Variants in SPEF2 observed in about 807,000 individuals in gnomAD.
SPEF2 encodes sperm flagella and cilia-associated protein 2.
A neutral mutation model predicts 224.6 loss-of-function variants in SPEF2; 187 were observed. That is an observed-to-expected ratio of 0.83 (90% CI 0.74 to 0.94). The LOEUF (loss-of-function observed/expected upper bound fraction) is 0.94, where lower values mean the gene tolerates loss of function less well. SPEF2 is among the 40% of genes least tolerant of loss of function. The probability of loss-of-function intolerance (pLI) is 0.00; values close to 1 mark genes in which losing one functional copy is unlikely to be tolerated. For synonymous variants in SPEF2, 715 were observed against 707.3 expected, an observed-to-expected ratio of 1.01 and a Z score of -0.17; for missense variants, 2,170 against 2,135.6, an observed-to-expected ratio of 1.02 and a Z score of -0.32.
intron 3 of SPEF2, 150 bp downstream of exon 3, chr5:35,641,833 A>C: frequency 3.9e-6 from 3 of 770,368 alleles, no homozygotes; most frequent in Non-Finnish European, 5.9e-6. Context: ...ATTTTATATT[A>C]ATAATTTGAA....
intron 35 of SPEF2, 87 bp downstream of exon 35, chr5:35,807,039 T>G (rs1352807706): frequency 6.4e-7 from 1 of 1,559,920 alleles, no homozygotes; most frequent in Non-Finnish European, 8.6e-7. Flanking sequence ...TAGTATGAAA[T>G]TATACAGAAT....
chr5:35,636,347 C>T (rs1415541903), intron 2 of SPEF2, among the ~76,000 whole-genome samples: 1 of 152,102 alleles, frequency 6.6e-6, no homozygotes, highest in Non-Finnish European at 1.5e-5. Flanking sequence ...CCTTTACTTC[C>T]TGCTTGTGCA....
chr5:35,671,037 G>T, intron 10 of SPEF2: 1 of 985,366 alleles, frequency 1.0e-6, no homozygotes, highest in Non-Finnish European at 1.2e-6. Flanking sequence ...CTTTTGGATA[G>T]AAATTTTGAG....
At chr5:35,635,089 A>G (rs1003214682) in intron 2 of SPEF2, among the ~76,000 whole-genome samples, 6 of 151,810 alleles carry the variant, frequency 4.0e-5, no homozygotes, top group Admixed American at 2.6e-4. Context: ...GAGTGGATGT[A>G]TGTGTTTTGA....
At chr5:35,687,250 T>C (rs997554184) in intron 10 of SPEF2, among the ~76,000 whole-genome samples, 1 of 152,176 alleles carries the variant, frequency 6.6e-6, no homozygotes, top group African/African-American at 2.4e-5. Flanking sequence ...AATATAAACC[T>C]TATTACATAC....
chr5:35,639,126 A>G (rs1022853744), intron 2 of SPEF2, among the ~76,000 whole-genome samples: 1 of 152,194 alleles, frequency 6.6e-6, no homozygotes, highest in Non-Finnish European at 1.5e-5. Flanking sequence ...AGGCTTAACA[A>G]TCTGAACAGA....
At chr5:35,629,449 G>T (rs926684926) in intron 2 of SPEF2, among the ~76,000 whole-genome samples, 9 of 151,870 alleles carry the variant, frequency 5.9e-5, no homozygotes, top group Non-Finnish European at 7.4e-5. Context: ...GAGCCACCGC[G>T]CCCGGCCTGT....
chr5:35,811,180 C>T (rs4869672), intron 36 of SPEF2, among the ~76,000 whole-genome samples: 57,461 of 151,744 alleles, frequency 0.38, 11,418 homozygotes, highest in African/African-American at 0.48. Context: ...CCACTGCACT[C>T]GTCCTGTCAT....
chr5:35,802,524 G>C (rs1338240546), intron 34 of SPEF2, among the ~76,000 whole-genome samples: 5 of 148,144 alleles, frequency 3.4e-5, no homozygotes, highest in African/African-American at 1.2e-4. Context: ...AAATTCTATG[G>C]AAAAAAAAAA....
At chr5:35,804,110 G>T (rs538798125) in intron 34 of SPEF2, among the ~76,000 whole-genome samples, 19 of 152,336 alleles carry the variant, frequency 1.2e-4, no homozygotes, top group African/African-American at 4.6e-4. Flanking sequence ...CCCTGGGGTA[G>T]AAACACATAC....
At chr5:35,728,051 C>A (rs1217177954) in intron 21 of SPEF2, among the ~76,000 whole-genome samples, 1 of 152,004 alleles carries the variant, frequency 6.6e-6, no homozygotes, top group Non-Finnish European at 1.5e-5. Flanking sequence ...ATGGGGGGAA[C>A]AAATGGGTTC....
intron 16 of SPEF2, among the ~76,000 whole-genome samples, chr5:35,703,000 T>C (rs552076614): frequency 5.3e-5 from 8 of 151,018 alleles, no homozygotes; most frequent in African/African-American, 1.9e-4. Context: ...GAGGTGTGAG[T>C]GGGAGAGACA....
At chr5:35,809,840 A>T (rs1485969912) in intron 36 of SPEF2, among the ~76,000 whole-genome samples, 2 of 152,150 alleles carry the variant, frequency 1.3e-5, no homozygotes. Flanking sequence ...TCTAGACTGC[A>T]TTTTAGCTTA....
chr5:35,669,166 A>G (rs1750902938), intron 9 of SPEF2, among the ~76,000 whole-genome samples: 1 of 152,002 alleles, frequency 6.6e-6, no homozygotes. Flanking sequence ...GGAATAATAT[A>G]TTTGTCCTTT....
chr5:35,658,904 C>G, intron 7 of SPEF2, 115 bp from the exon 8 acceptor site: 1 of 762,056 alleles, frequency 1.3e-6, no homozygotes, highest in Non-Finnish European at 1.9e-6. Flanking sequence ...AGTCAAATGA[C>G]AGAAACTGAT....
chr5:35,745,147 G>A lies in SPEF2; in HGVS notation c.3330+4880G>A, dbSNP rs377640328. Among the ~76,000 whole-genome samples the A allele has an allele frequency of 2.6e-5, 4 of 152,322 alleles. No homozygotes were observed. In the East Asian group the frequency reaches 5.8e-4, roughly 22 times the overall value. ...AGCTGAGCGAAATACAGGGGTAGAG[G>A]AAGTAGCAGAAAGGCACTGGGAGCT... On this transcript the variant is annotated intron_variant, in intron 23 of 36. Transcript: ENST00000356031.
chr5:35,788,044 T>C (rs975403170), intron 30 of SPEF2: 13 of 702,836 alleles, frequency 1.8e-5, no homozygotes, highest in Non-Finnish European at 3.1e-5. Flanking sequence ...GTCGTAAGCA[T>C]GGAGTGAAGT....
At chr5:35,797,186 A>G (rs1676411461) in intron 33 of SPEF2, among the ~76,000 whole-genome samples, 1 of 152,190 alleles carries the variant, frequency 6.6e-6, no homozygotes, top group South Asian at 2.1e-4. Flanking sequence ...AGGACCTTTT[A>G]GTACTTTTGG....
At chr5:35,674,576 G>A in intron 10 of SPEF2, among the ~76,000 whole-genome samples, 1 of 127,084 alleles carries the variant, frequency 7.9e-6, no homozygotes, top group Non-Finnish European at 1.5e-5. Context: ...CCCTTCCTTT[G>A]TCCATGTGTT....
Sources: gnomAD v4.1 joint callset for allele counts (sites outside exome capture counted in the v4.1 genomes callset) on GRCh38, gnomAD v4.1.1 for gene constraint, MANE v1.5 for transcripts, NCBI Gene and HGNC (gene_info 2026-07-23, HGNC 2026-07-21) for gene names.